ZEB1: variants seen among roughly 807,000 people sequenced by gnomAD.
ZEB1 encodes zinc finger E-box-binding homeobox 1.
A neutral mutation model predicts 84.9 loss-of-function variants in ZEB1; 21 were observed. That is an observed-to-expected ratio of 0.25 (90% CI 0.18 to 0.36). The LOEUF is 0.36. Ranked by LOEUF, ZEB1 falls within the 10% of genes least tolerant of loss-of-function variation. ZEB1 has a pLI of 1.00. For missense variants in ZEB1, 1,104 were observed against 1,330.2 expected (o/e 0.83, Z 2.65); for synonymous variants, 420 against 471.1 (o/e 0.89, Z 1.41).
At chr10:31,321,642 G>C in intron 1 of ZEB1, 1 of 1,491,960 alleles carries the variant, frequency 6.7e-7, no homozygotes, top group African/African-American at 1.4e-5. Flanking sequence ...ATGTGAGTCT[G>C]AACCACCCAG....
At chr10:31,363,164 C>G (rs1207644569) in intron 1 of ZEB1, 3 of 1,533,936 alleles carry the variant, frequency 2.0e-6, no homozygotes, top group Non-Finnish European at 2.6e-6. Flanking sequence ...ATGTCCTCCC[C>G]CACCATCAGC....
At chr10:31,503,250 C>T (rs1175015827) in intron 4 of ZEB1, among the ~76,000 whole-genome samples, 10 of 152,034 alleles carry the variant, frequency 6.6e-5, no homozygotes, top group Middle Eastern at 3.4e-3. Flanking sequence ...CCATACAGTA[C>T]GATCTAAAAA....
At chr10:31,484,668 A>G in intron 2 of ZEB1, among the ~76,000 whole-genome samples, 1 of 151,932 alleles carries the variant, frequency 6.6e-6, no homozygotes, top group Non-Finnish European at 1.5e-5. Flanking sequence ...GCAAGCCTAT[A>G]CTGTATGTGG....
chr10:31,408,105 C>G (rs916714629), intron 1 of ZEB1, among the ~76,000 whole-genome samples: 1 of 151,952 alleles, frequency 6.6e-6, no homozygotes, highest in South Asian at 2.1e-4. Flanking sequence ...CAACAACAGA[C>G]AAACAGAGAG....
rs1834647916 is a variant in ZEB1, at chr10:31,528,978, A to C, written c.*1714A>C. ...TGCTCTGCAGTTTTATTAAGAAATC[A>C]GCCTAACCATACAACTCTCATTTCC... On this transcript the variant is annotated 3_prime_UTR_variant, in exon 9 of 9. Coordinates refer to ENST00000424869, the MANE Select transcript of ZEB1 (RefSeq NM_001174096.2). The C allele has an allele frequency of 6.6e-6, 1 of 152,214 alleles. No individual in the cohort carries two copies. Among genetic ancestry groups the C allele is most frequent in the Non-Finnish European group, 1.5e-5 (1 of 68,028 alleles). 9.4% of individuals were successfully genotyped at this position (152,214 alleles called of 1,614,324 possible).
intron 1 of ZEB1, among the ~76,000 whole-genome samples, chr10:31,446,694 T>C (rs2059827119): frequency 6.6e-6 from 1 of 152,100 alleles, no homozygotes; most frequent in East Asian, 1.9e-4. Context: ...CAGGAGCAGG[T>C]TGTTCAGTTT....
chr10:31,376,130 T>C (rs1336129764), intron 1 of ZEB1, among the ~76,000 whole-genome samples: 1 of 151,778 alleles, frequency 6.6e-6, no homozygotes, highest in Non-Finnish European at 1.5e-5. Flanking sequence ...TTCAGTATAT[T>C]CTTACCAACA....
intron 2 of ZEB1, among the ~76,000 whole-genome samples, chr10:31,469,752 T>TG: frequency 6.6e-6 from 1 of 152,328 alleles, no homozygotes; most frequent in African/African-American, 2.4e-5. Flanking sequence ...GCTCCACCTC[T>TG]GGGGGCAGGG....
intron 2 of ZEB1, among the ~76,000 whole-genome samples, chr10:31,474,539 A>G (rs1052995522): frequency 7.9e-5 from 12 of 152,184 alleles, no homozygotes; most frequent in African/African-American, 1.2e-4. Flanking sequence ...TAGAATGGCA[A>G]TCATTAAAAA....
intron 1 of ZEB1, among the ~76,000 whole-genome samples, chr10:31,417,192 G>C (rs2055359801): frequency 6.6e-6 from 1 of 152,110 alleles, no homozygotes; most frequent in East Asian, 1.9e-4. Flanking sequence ...TAAAAATTTA[G>C]AGTTCTCCAA....
intron 1 of ZEB1, among the ~76,000 whole-genome samples, chr10:31,373,724 TATTAAATTTGTAAGATAAGACGTTTATAC>T (rs1194552992): frequency 6.6e-6 from 1 of 151,916 alleles, no homozygotes; most frequent in African/African-American, 2.4e-5. Flanking sequence ...TGGCGGAAAC[TATTAAATTTGTAAGATAAGACGTTTATAC>T]TCTATACCCA....
rs1430951606 is a variant in ZEB1, at chr10:31,521,276, T to G, written c.1944T>G (p.Pro648=). 6.2e-7 allele frequency: 1 copy of G among 1,614,046 alleles called. No individual in the cohort carries two copies. Among genetic ancestry groups the G allele is most frequent in the Non-Finnish European group, 8.5e-7 (1 of 1,179,996 alleles). The part of the protein sequence containing the change: ...ISVQSSEPSS[P]EPGKVNIPAK... ...TGCAGTCTTCTGAACCATCTTCTCCTGAACCAGGCAAAGTAAATATCCCTG... is the reference window on the plus strand; with the variant it reads ...TGCAGTCTTCTGAACCATCTTCTCCGGAACCAGGCAAAGTAAATATCCCTG... Residue 648 remains proline (P), a synonymous_variant, in exon 7 of 9, where the codon CCT becomes CCG. Transcript: ENST00000424869.
intron 1 of ZEB1, among the ~76,000 whole-genome samples, chr10:31,346,926 A>G (rs1046540925): frequency 2.0e-5 from 3 of 152,170 alleles, no homozygotes; most frequent in African/African-American, 4.8e-5. Context: ...AAGGCCTGTA[A>G]CTACTGAGGA....
chr10:31,519,310 A>G (rs2071809164), intron 6 of ZEB1, among the ~76,000 whole-genome samples: 1 of 152,214 alleles, frequency 6.6e-6, no homozygotes, highest in Admixed American at 6.6e-5. Flanking sequence ...TTTCTACCAA[A>G]GTATCCCTAA....
chr10:31,395,560 G>A (rs2050562499), intron 1 of ZEB1, among the ~76,000 whole-genome samples: 1 of 152,262 alleles, frequency 6.6e-6, no homozygotes, highest in South Asian at 2.1e-4. Flanking sequence ...ATATTCATGA[G>A]ATTTGGGCAG....
chr10:31,331,336 T>A (rs959132201), intron 1 of ZEB1, among the ~76,000 whole-genome samples: 1 of 152,136 alleles, frequency 6.6e-6, no homozygotes, highest in African/African-American at 2.4e-5. Context: ...TCTGCCTGCC[T>A]CAGCCTCCCA....
chr10:31,378,310 C>T (rs888857523), intron 1 of ZEB1, among the ~76,000 whole-genome samples: 1 of 151,172 alleles, frequency 6.6e-6, no homozygotes, highest in Non-Finnish European at 1.5e-5. Context: ...TATGTATATA[C>T]TCATACATAC....
rs535239702 is a variant in ZEB1, at chr10:31,338,206, C to G, written c.58+18914C>G. ...ACTTAAAATATGTGTGTTACTATTG[C>G]ACTTGTGGATATAACATTTCATTTT... On this transcript the variant is annotated intron_variant, in intron 1 of 8. Transcript: ENST00000424869. Among the ~76,000 whole-genome samples the G allele has an allele frequency of 3.9e-5, 6 of 152,082 alleles. No homozygotes were observed. The East Asian group carries it at 1.2e-3, about 29-fold the overall frequency.
chr10:31,407,031 C>A (rs1590926149), intron 1 of ZEB1, among the ~76,000 whole-genome samples: 2 of 151,824 alleles, frequency 1.3e-5, no homozygotes, highest in East Asian at 3.9e-4. Context: ...TCTGAGGCCT[C>A]TGTTCTGTTC....
Sources: gnomAD v4.1 joint callset for allele counts (sites outside exome capture counted in the v4.1 genomes callset) on GRCh38, gnomAD v4.1.1 for gene constraint, MANE v1.5 for transcripts, NCBI Gene and HGNC (gene_info 2026-07-23, HGNC 2026-07-21) for gene names.